ZNF507: variants seen among roughly 807,000 people sequenced by gnomAD.
The protein encoded by ZNF507 is zinc finger protein 507.
In ZNF507, 29 loss-of-function variants were observed where a neutral mutation model predicts 80.0. That is an observed-to-expected ratio of 0.36 (90% CI 0.27 to 0.49). The LOEUF (loss-of-function observed/expected upper bound fraction) is 0.49, where lower values mean the gene tolerates loss of function less well. ZNF507 is among the 20% of genes least tolerant of loss of function. The pLI, the probability that ZNF507 is intolerant of heterozygous loss-of-function variation, is 0.98. For missense variants in ZNF507, 1,081 were observed against 1,152.2 expected, an observed-to-expected ratio of 0.94 and a Z score of 0.90; for synonymous variants, 462 against 422.5, an observed-to-expected ratio of 1.09 and a Z score of -1.15.
Position 32,375,954 on chromosome 19 carries a change from T to C in ZNF507, c.2361-6513T>C, listed in dbSNP as rs150237368. On this transcript the variant is annotated intron_variant, in intron 5 of 6. Coordinates refer to ENST00000355898, the MANE Select transcript of ZNF507 (RefSeq NM_001136156.2). Reference sequence around the variant, plus strand: ...ATGCTGGTGCACAAATTAAAGTTTATAAACTGTGTTCTCAGAAGCTTTAAG... The same window carrying C: ...ATGCTGGTGCACAAATTAAAGTTTACAAACTGTGTTCTCAGAAGCTTTAAG... 8.5e-5 allele frequency among the ~76,000 whole-genome samples: 13 copies of C among 152,330 alleles called. No homozygotes were observed. In the East Asian group the frequency reaches 2.5e-3, roughly 29 times the overall value.
At chr19:32,362,949 A>C (rs1327770422) in intron 5 of ZNF507, among the ~76,000 whole-genome samples, 2 of 152,118 alleles carry the variant, frequency 1.3e-5, no homozygotes, top group African/African-American at 4.8e-5. Flanking sequence ...AACTTTCTTT[A>C]AATACTCACC....
rs772654868 is a variant in ZNF507 at position 32,382,581 on chromosome 19, C to T, written c.2475C>T (p.Asp825=). Residue 825 remains aspartate (D), a synonymous_variant, in exon 6 of 7, where the codon GAC becomes GAT. Transcript: ENST00000355898. The stretch of plus-strand genomic sequence containing the variant: ...AACAAGTAAACAAGGCTATTAACGA[C>T]GCGATTTCACAAAGTGGCAGGTATT... ...NYEQVNKAIN[D]AISQSGRVLG... 24 of 1,614,024 alleles carry T rather than the reference C, an allele frequency of 1.5e-5. No homozygotes were observed. Among genetic ancestry groups the T allele is most frequent in the Admixed American group, 5.0e-5 (3 of 59,994 alleles).
intron 5 of ZNF507, among the ~76,000 whole-genome samples, chr19:32,375,519 G>A (rs1967535016): frequency 6.6e-6 from 1 of 152,126 alleles, no homozygotes; most frequent in African/African-American, 2.4e-5. Flanking sequence ...AGGGGTGACG[G>A]GAAAGAAAGA....
intron 5 of ZNF507, among the ~76,000 whole-genome samples, chr19:32,369,633 T>C (rs997146422): frequency 6.6e-6 from 1 of 152,194 alleles, no homozygotes; most frequent in Admixed American, 6.5e-5. Flanking sequence ...TTCTTTTTTT[T>C]TTGTTTTGTT....
chr19:32,352,474 C>T (rs1348669959), intron 2 of ZNF507, among the ~76,000 whole-genome samples: 144 of 146,340 alleles, frequency 9.8e-4, no homozygotes, highest in African/African-American at 3.5e-3. Context: ...GAATAGGAGT[C>T]TTTTTTTTTT....
intron 5 of ZNF507, among the ~76,000 whole-genome samples, chr19:32,365,644 A>C (rs1967388879): frequency 1.3e-5 from 2 of 152,190 alleles, no homozygotes; most frequent in African/African-American, 4.8e-5. Context: ...GCCCTGATTT[A>C]CATCTCCCAG....
At chr19:32,371,201 G>A (rs1051751099) in intron 5 of ZNF507, among the ~76,000 whole-genome samples, 8 of 151,952 alleles carry the variant, frequency 5.3e-5, no homozygotes, top group Non-Finnish European at 8.8e-5. Context: ...CCAGCCGGGC[G>A]CGGTGGCTCA....
chr19:32,377,398 T>G (rs1167863922), intron 5 of ZNF507, among the ~76,000 whole-genome samples: 1 of 152,184 alleles, frequency 6.6e-6, no homozygotes, highest in Admixed American at 6.5e-5. Context: ...TATCTCTATA[T>G]GGCCTGGTTT....
intron 5 of ZNF507, among the ~76,000 whole-genome samples, chr19:32,374,496 CAG>C (rs1380643837): frequency 1.4e-5 from 2 of 139,350 alleles, no homozygotes; most frequent in Non-Finnish European, 1.5e-5. Flanking sequence ...TTTCTTGAGA[CAG>C]AGTCTTGTGC....
intron 4 of ZNF507, chr19:32,357,854 C>T (rs895199639): frequency 6.6e-6 from 1 of 152,174 alleles, no homozygotes; most frequent in Non-Finnish European, 1.5e-5. Flanking sequence ...GTAAATACTA[C>T]TCAGTAGCAC....
At chr19:32,377,459 A>G (rs567712022) in intron 5 of ZNF507, among the ~76,000 whole-genome samples, 26 of 152,342 alleles carry the variant, frequency 1.7e-4, no homozygotes, top group African/African-American at 6.3e-4. Context: ...TGGAATAAAG[A>G]GTAATTGCTA....
intron 5 of ZNF507, among the ~76,000 whole-genome samples, chr19:32,379,934 G>A (rs1967602516): frequency 6.6e-6 from 1 of 152,014 alleles, no homozygotes. Context: ...GTTTCCTTGT[G>A]AACACCAGAA....
chr19:32,355,610 T>A (rs772745958), intron 3 of ZNF507, among the ~76,000 whole-genome samples: 2 of 152,176 alleles, frequency 1.3e-5, no homozygotes, highest in Non-Finnish European at 2.9e-5. Flanking sequence ...AAGGAAACGT[T>A]GAATCATTGG....
At position 32,354,663 on chromosome 19, in the gene ZNF507, G is replaced by T; in HGVS notation, c.1833G>T (p.Leu611Phe). The T allele has an allele frequency of 6.2e-7, 1 of 1,614,176 alleles. No individual in the cohort carries two copies. Among genetic ancestry groups the T allele is most frequent in the East Asian group, 2.2e-5 (1 of 44,874 alleles). Residue 611 changes from leucine (L) to phenylalanine (F), a missense_variant, in exon 3 of 7, where the codon TTG (leucine) becomes TTT (phenylalanine). Physicochemically the swap from Leu to Phe is conservative, Grantham distance 22 (BLOSUM62 0). This residue lies in a region of ZNF507 where 614 missense variants were observed against 583.9 expected (regional missense o/e 1.05). Coordinates refer to ENST00000355898, the MANE Select transcript of ZNF507 (RefSeq NM_001136156.2). ...NASDDDILKE[L>F]QDNAQCQPNS... ...CAGACGATGACATTTTGAAAGAGTT[G>T]CAGGACAACGCCCAGTGCCAACCCA... is the stretch of plus-strand genomic sequence containing the variant.
intron 5 of ZNF507, chr19:32,380,570 G>A: frequency 6.5e-7 from 1 of 1,534,408 alleles, no homozygotes. Flanking sequence ...GATTTTCTTT[G>A]TGCCTCGTTA....
At chr19:32,352,156 G>A (rs1818725841) in intron 2 of ZNF507, among the ~76,000 whole-genome samples, 1 of 151,264 alleles carries the variant, frequency 6.6e-6, no homozygotes, top group African/African-American at 2.4e-5. Flanking sequence ...CATAGTTTGT[G>A]GTTTATCTTC....
chr19:32,378,167 A>T (rs1199414544), intron 5 of ZNF507, among the ~76,000 whole-genome samples: 1 of 152,128 alleles, frequency 6.6e-6, no homozygotes, highest in African/African-American at 2.4e-5. Flanking sequence ...AGCCTGGCTA[A>T]CATGACGAAA....
chr19:32,356,771 G>T lies in ZNF507; in HGVS notation c.2245+38G>T, dbSNP rs566687351. On this transcript the variant is annotated intron_variant, in intron 4 of 6. Coordinates refer to ENST00000355898, the MANE Select transcript of ZNF507 (RefSeq NM_001136156.2). ...TTTGTTATGCAGGCTGCAGTGACTT[G>T]CACATGACATAAAAGTGCCCTTAGT... 6.6e-6 allele frequency: 10 copies of T among 1,515,698 alleles called. No homozygotes were observed. In the African/African-American group the frequency reaches 1.2e-4, roughly 19 times the overall value. The allele number at this position is 1,515,698 out of a possible 1,614,324, so 93.9% of individuals were successfully genotyped here.
At chr19:32,372,354 TAA>T (rs1231377371) in intron 5 of ZNF507, among the ~76,000 whole-genome samples, 1 of 152,080 alleles carries the variant, frequency 6.6e-6, no homozygotes, top group Non-Finnish European at 1.5e-5. Flanking sequence ...AGGGTTTAAA[TAA>T]AGAGAGAGCG....
Sources: gnomAD v4.1 joint callset for allele counts (sites outside exome capture counted in the v4.1 genomes callset) on GRCh38, gnomAD v4.1.1 for gene constraint, gnomAD v4.1.1 regional missense constraint, MANE v1.5 for transcripts, NCBI Gene and HGNC (gene_info 2026-07-23, HGNC 2026-07-21) for gene names.